LRRC57: variants seen among roughly 807,000 people sequenced by gnomAD.
The protein encoded by LRRC57 is leucine rich repeat containing 57.
Under a neutral mutation model 23.1 loss-of-function variants are expected in LRRC57, and 14 were observed. The observed-to-expected ratio is 0.61, with a 90% CI of 0.40 to 0.95. The LOEUF (loss-of-function observed/expected upper bound fraction) is 0.95, where lower values mean the gene tolerates loss of function less well. LRRC57 is among the 40% of genes least tolerant of loss of function. The pLI is 0.00. For synonymous variants in LRRC57, 106 were observed against 115.2 expected (o/e 0.92, Z 0.51); for missense variants, 236 against 284.4 (o/e 0.83, Z 1.22).
At chr15:42,533,901 A>T (rs1022425195), downstream of LRRC57, among the ~76,000 whole-genome samples, 1 of 152,302 alleles carries the variant, frequency 6.6e-6, no homozygotes, top group Non-Finnish European at 1.5e-5. Context: ...TTATGTCTTT[A>T]AAAAGCAATG....
At position 42,541,159 on chromosome 15, in the gene LRRC57, C is replaced by T. The variant is rs1377703842; in HGVS notation, c.*2924G>A. On this transcript the variant is annotated 3_prime_UTR_variant, in exon 6 of 6. Coordinates refer to ENST00000397130, the MANE Select transcript of LRRC57 (RefSeq NM_153260.3). Reference sequence around the variant, plus strand: ...TTAAAATTTAGAAAAAACAAAACTCCTAAACTGGTATGGATAAACTAGTAC... The same window carrying T: ...TTAAAATTTAGAAAAAACAAAACTCTTAAACTGGTATGGATAAACTAGTAC... The T allele has an allele frequency of 3.3e-5, 5 of 152,020 alleles. No individual in the cohort carries two copies. The highest frequency in any genetic ancestry group is 5.9e-5 in the Non-Finnish European group (4 of 68,004). 9.4% of individuals were successfully genotyped at this position (152,020 alleles called of 1,614,324 possible). A position where few individuals can be genotyped will look rare whatever the true frequency, so the allele number is the denominator to read the frequency against.
At position 42,543,062 on chromosome 15, in the gene LRRC57, G is replaced by T. The variant is rs1000097704; in HGVS notation, c.*1021C>A. On this transcript the variant is annotated 3_prime_UTR_variant, in exon 6 of 6. Transcript: ENST00000397130. ...ATTTTTGTATTTTCAGTAGAGACAGGGTTTCACCATGTTGGCCAGGCTGGT... is the reference window on the plus strand; with the variant it reads ...ATTTTTGTATTTTCAGTAGAGACAGTGTTTCACCATGTTGGCCAGGCTGGT... 1.3e-5 allele frequency: 2 copies of T among 151,696 alleles called. No homozygotes were observed. The highest frequency in any genetic ancestry group is 2.9e-5 in the Non-Finnish European group (2 of 68,026). The allele number at this position is 151,696 out of a possible 1,614,324, so 9.4% of individuals were successfully genotyped here. A position where few individuals can be genotyped will look rare whatever the true frequency, so the allele number is the denominator to read the frequency against.
the LRRC57 span, chr15:42,529,817 A>G: frequency 6.2e-7 from 1 of 1,611,098 alleles, no homozygotes; most frequent in South Asian, 1.1e-5. Context: ...AATCACAGAC[A>G]AGGTAAAAGC....
intron 1 of LRRC57, 63 bp from the exon 2 acceptor site, chr15:42,548,519 C>G (rs1014499874): frequency 7.5e-7 from 1 of 1,327,280 alleles, no homozygotes; most frequent in Non-Finnish European, 1.0e-6. Context: ...GGCTGGGGCT[C>G]CTGCCCCAGC....
chr15:42,529,253 C>T, the LRRC57 span, among the ~76,000 whole-genome samples: 1 of 152,172 alleles, frequency 6.6e-6, no homozygotes, highest in African/African-American at 2.4e-5. Context: ...AGTTTTCCAA[C>T]CTCTCTCTTA....
chr15:42,535,538 C>T (rs1267106880), downstream of LRRC57, among the ~76,000 whole-genome samples: 2 of 151,710 alleles, frequency 1.3e-5, no homozygotes, highest in East Asian at 1.9e-4. Flanking sequence ...CTCTGTCTCC[C>T]GAGTAGCTGG....
At chr15:42,530,289 A>G in the LRRC57 span, among the ~76,000 whole-genome samples, 4 of 152,174 alleles carry the variant, frequency 2.6e-5, no homozygotes, top group African/African-American at 4.8e-5. Context: ...TCCTCATCTC[A>G]TGAAAGAGTC....
In LRRC57 at chr15:42,547,337, G is replaced by C; in HGVS notation, c.416C>G (p.Ser139Cys). ...SLRHLDVMDL[S>C]KNQIRSIPDS... ...AGGTATACTTCGAATCTGGTTCTTA[G>C]AGAGATCCATCACATCCAGGTGCCG... The change falls in exon 4 of 6, where the codon TCT (serine) becomes TGT (cysteine). Residue 139 changes from serine (S) to cysteine (C), a missense_variant. Coordinates refer to ENST00000397130, the MANE Select transcript of LRRC57 (RefSeq NM_153260.3). 1 of 1,614,202 alleles carries C rather than the reference G, an allele frequency of 6.2e-7. No individual in the cohort carries two copies. The highest frequency in any genetic ancestry group is 8.5e-7 in the Non-Finnish European group (1 of 1,180,032).
At chr15:42,537,096 AATTAGCT>A (rs1273822936), downstream of LRRC57, among the ~76,000 whole-genome samples, 1 of 152,008 alleles carries the variant, frequency 6.6e-6, no homozygotes, top group Non-Finnish European at 1.5e-5. Flanking sequence ...TTGCACTTAG[AATTAGCT>A]TTTTAAAGAC....
the LRRC57 span, among the ~76,000 whole-genome samples, chr15:42,531,034 A>G: frequency 6.6e-6 from 1 of 152,196 alleles, no homozygotes; most frequent in Non-Finnish European, 1.5e-5. Flanking sequence ...ATGAGATTCT[A>G]TGATTCAGTT....
intron 3 of LRRC57, 139 bp from the exon 4 acceptor site, chr15:42,547,668 A>T: frequency 1.3e-6 from 1 of 759,622 alleles, no homozygotes; most frequent in Non-Finnish European, 2.1e-6. Context: ...ATTTTTAGAT[A>T]TTGCATTTTA....
the LRRC57 span, chr15:42,529,837 C>T: frequency 6.2e-7 from 1 of 1,608,652 alleles, no homozygotes; most frequent in Non-Finnish European, 8.5e-7. Context: ...CTTTTTATTG[C>T]CACAAGAAAA....
chr15:42,544,594 G>A (rs1000026125), intron 5 of LRRC57, among the ~76,000 whole-genome samples: 11 of 151,880 alleles, frequency 7.2e-5, no homozygotes, highest in Admixed American at 2.0e-4. Flanking sequence ...AGGCTGCGGC[G>A]GGCAGATCAC....
intron 4 of LRRC57, among the ~76,000 whole-genome samples, chr15:42,545,897 C>T (rs2057656255): frequency 6.6e-6 from 1 of 152,116 alleles, no homozygotes; most frequent in African/African-American, 2.4e-5. Flanking sequence ...TCATTAAAGT[C>T]CATCACTTTT....
chr15:42,547,928 A>G (rs2057670070), intron 3 of LRRC57, 178 bp downstream of exon 3: 1 of 631,604 alleles, frequency 1.6e-6, no homozygotes, highest in Non-Finnish European at 2.7e-6. Context: ...CCCAATCATT[A>G]TAAGGCTTAT....
At position 42,547,275 on chromosome 15, in the gene LRRC57, G is replaced by A. The variant is rs758591151; in HGVS notation, c.478C>T (p.Leu160Phe). The A allele has an allele frequency of 2.5e-6, 4 of 1,614,078 alleles. No individual in the cohort carries two copies. The highest frequency in any genetic ancestry group is 3.4e-6 in the Non-Finnish European group (4 of 1,180,018). ...VGELQVIELN[L>F]NQNQISQISV... ...AAGCTCTAGACCTGATTCTGGTTGA[G>A]GTTGAGTTCGATGACTTGCAGCTCT... The change falls in exon 4 of 6, where the codon CTC becomes TTC. Residue 160 changes from leucine (L) to phenylalanine (F), a missense_variant. Physicochemically the swap from Leu to Phe is conservative, Grantham distance 22. Coordinates refer to ENST00000397130, the MANE Select transcript of LRRC57 (RefSeq NM_153260.3).
chr15:42,548,371 T>C lies in LRRC57; in HGVS notation c.64A>G (p.Lys22Glu), dbSNP rs777405920. The C allele has an allele frequency of 2.5e-6, 4 of 1,614,206 alleles. No individual in the cohort carries two copies. The South Asian group carries it at 3.3e-5, about 13-fold the overall frequency. The change falls in exon 2 of 6, where the codon AAG becomes GAG. Residue 22 changes from lysine (K) to glutamate (E), a missense_variant. By Grantham distance (56) the Lys-to-Glu change is moderately conservative. Transcript: ENST00000397130. ...CTCACCTCGGTCAGCCCTCGGTCCT[T>C]AAGCTGAAAGACACCAGTTTTCTGC... ...TAQKTGVFQL[K>E]DRGLTEFPAD... is the part of the protein sequence containing the mutation.
At position 42,548,197 on chromosome 15, in the gene LRRC57, G is replaced by A. The variant is rs1222724738; in HGVS notation, c.132C>T (p.Asp44=). ...GGCTTTCGATCTTGTTGTTGGACAA[G>A]TCGATGGTCCTGAGATTGCTCGTCA... ...QKLTSNLRTI[D]LSNNKIESLP... Residue 44 remains aspartate (D), a synonymous_variant, in exon 3 of 6, where the codon GAC becomes GAT. Transcript: ENST00000397130. The A allele has an allele frequency of 3.1e-6, 5 of 1,614,220 alleles. No homozygotes were observed. Among genetic ancestry groups the A allele is most frequent in the Middle Eastern group, 1.6e-4 (1 of 6,062 alleles).
chr15:42,544,076 G>A lies in LRRC57; in HGVS notation c.*7C>T. On this transcript the variant is annotated 3_prime_UTR_variant, in exon 6 of 6. Transcript: ENST00000397130. ...ATCCTGTAAGGTTTCCATAGTCCTG[G>A]AGAACTTCACGCAAACTTCTTCTTG... The A allele has an allele frequency of 1.9e-6, 3 of 1,612,552 alleles. No homozygotes were observed. The South Asian group carries it at 3.3e-5, about 18-fold the overall frequency.
Sources: gnomAD v4.1 joint callset for allele counts (sites outside exome capture counted in the v4.1 genomes callset) on GRCh38, gnomAD v4.1.1 for gene constraint, MANE v1.5 for transcripts, NCBI Gene and HGNC (gene_info 2026-07-23, HGNC 2026-07-21) for gene names.